The following DLG2 variants were observed in gnomAD, a reference collection of about 807,000 sequenced individuals.
DLG2 encodes disks large homolog 2.
Under a neutral mutation model 132.5 loss-of-function variants are expected in DLG2, and 45 were observed. That is an observed-to-expected ratio of 0.34 (90% confidence interval 0.27 to 0.44). DLG2 has a LOEUF of 0.44. Ranked by LOEUF, DLG2 falls within the 20% of genes least tolerant of loss-of-function variation. The pLI, the probability that DLG2 is intolerant of heterozygous loss-of-function variation, is 1.00. For missense variants in DLG2, 1,045 were observed against 1,196.9 expected (o/e 0.87, Z 1.87); for synonymous variants, 424 against 419.6 (o/e 1.01, Z -0.13).
chr11:83,961,022 G>A (rs369080796), intron 14 of DLG2, among the ~76,000 whole-genome samples: 4 of 152,028 alleles, frequency 2.6e-5, no homozygotes, highest in Non-Finnish European at 2.9e-5. Flanking sequence ...CATATCTCAC[G>A]TGTACCGTAA....
intron 4 of DLG2, among the ~76,000 whole-genome samples, chr11:85,270,596 G>C (rs2077469196): frequency 6.6e-6 from 1 of 152,194 alleles, no homozygotes; most frequent in African/African-American, 2.4e-5. Context: ...ATGTGGGAAA[G>C]TTTGGAACTC....
chr11:85,357,436 C>G (rs1338280790), intron 3 of DLG2, among the ~76,000 whole-genome samples: 51 of 150,114 alleles, frequency 3.4e-4, no homozygotes, highest in Admixed American at 3.4e-3. Context: ...TCGTGATCCA[C>G]CCACCTCAGC....
chr11:83,999,002 T>C (rs2094194097), intron 11 of DLG2, among the ~76,000 whole-genome samples: 1 of 152,196 alleles, frequency 6.6e-6, no homozygotes, highest in Admixed American at 6.5e-5. Context: ...GCATGAGTGC[T>C]GCCAGGGATG....
intron 18 of DLG2, among the ~76,000 whole-genome samples, chr11:83,690,569 G>A (rs777549021): frequency 1.3e-5 from 2 of 151,260 alleles, no homozygotes; most frequent in Admixed American, 6.6e-5. Flanking sequence ...CACTTATAAG[G>A]GGCAGACACT....
chr11:84,959,634 G>A (rs1332533263), intron 6 of DLG2, among the ~76,000 whole-genome samples: 2 of 152,200 alleles, frequency 1.3e-5, no homozygotes, highest in African/African-American at 4.8e-5. Flanking sequence ...AATATCTGTA[G>A]TAAGGTGGTG....
chr11:84,507,990 T>G (rs997213259), intron 7 of DLG2, among the ~76,000 whole-genome samples: 13 of 152,204 alleles, frequency 8.5e-5, no homozygotes, highest in African/African-American at 3.1e-4. Flanking sequence ...TGACAATATT[T>G]GATTTCTTTG....
At chr11:83,883,348 AT>A (rs932017909) in intron 15 of DLG2, among the ~76,000 whole-genome samples, 2 of 151,810 alleles carry the variant, frequency 1.3e-5, no homozygotes, top group African/African-American at 4.8e-5. Flanking sequence ...CCTGGGACCC[AT>A]TTTTTTTCTG....
intron 15 of DLG2, among the ~76,000 whole-genome samples, chr11:83,914,668 A>C (rs759269921): frequency 6.6e-6 from 1 of 152,178 alleles, no homozygotes; most frequent in Non-Finnish European, 1.5e-5. Flanking sequence ...CTACACGGCT[A>C]GTGAGTAGAG....
At chr11:84,763,009 T>C (rs948082696) in intron 6 of DLG2, among the ~76,000 whole-genome samples, 4 of 152,174 alleles carry the variant, frequency 2.6e-5, no homozygotes, top group East Asian at 1.9e-4. Context: ...AAGGCCCTCA[T>C]AGACATGCCA....
intron 3 of DLG2, among the ~76,000 whole-genome samples, chr11:85,303,825 C>T (rs79083065): frequency 0.015 from 2,338 of 152,248 alleles, 35 homozygotes; most frequent in Admixed American, 0.035. Context: ...AGAGGAAATC[C>T]AAGACCCTGT....
chr11:85,438,486 ACTTTT>A lies in DLG2; in HGVS notation c.41-153126_41-153122del, dbSNP rs577509613. Among the ~76,000 whole-genome samples the A allele has an allele frequency of 3.3e-5, 5 of 152,300 alleles. No homozygotes were observed. The South Asian group carries it at 1.0e-3, about 32-fold the overall frequency. On this transcript the variant is annotated intron_variant, in intron 3 of 27. Coordinates refer to ENST00000376104, the MANE Select transcript of DLG2 (RefSeq NM_001142699.3). ...AATTGTAAATATGTATATATCCATT[ACTTTT>A]AATAGCAAAAACCGCAATTACTTTT...
intron 6 of DLG2, among the ~76,000 whole-genome samples, chr11:84,870,993 T>C (rs992351780): frequency 3.9e-5 from 6 of 152,258 alleles, no homozygotes; most frequent in African/African-American, 1.4e-4. Context: ...TTTTACAAAA[T>C]GCACTGGCAT....
At chr11:85,478,948 AC>A (rs1282222049) in intron 3 of DLG2, among the ~76,000 whole-genome samples, 2 of 152,216 alleles carry the variant, frequency 1.3e-5, no homozygotes, top group African/African-American at 4.8e-5. Context: ...TAAAAATGTT[AC>A]CCTTATGGTC....
chr11:83,709,231 C>CTGTGTGTG lies in DLG2; in HGVS notation c.1826-75914_1826-75907dup, dbSNP rs112665187. On this transcript the variant is annotated intron_variant, in intron 18 of 27. Coordinates refer to ENST00000376104, the MANE Select transcript of DLG2 (RefSeq NM_001142699.3). ...AGCATGCCTAGGACAAAATTTTACA[C>CTGTGTGTG]TGTGTGTGTGTGTGTGTGTATATGT... Among the ~76,000 whole-genome samples the CTGTGTGTG allele has an allele frequency of 3.5e-3, 522 of 147,260 alleles. 4 individuals are homozygous for CTGTGTGTG. Among genetic ancestry groups the CTGTGTGTG allele is most frequent in the African/African-American group, 0.011 (452 of 40,100 alleles).
At chr11:83,647,206 T>C (rs139743044) in intron 18 of DLG2, 5 of 151,726 alleles carry the variant, frequency 3.3e-5, no homozygotes, top group Non-Finnish European at 7.4e-5. Context: ...TTAATATCAT[T>C]TCTTTCAGGT....
chr11:85,060,885 T>C (rs540237117), intron 6 of DLG2, among the ~76,000 whole-genome samples: 230 of 151,476 alleles, frequency 1.5e-3, no homozygotes, highest in Non-Finnish European at 2.7e-3. Context: ...TTTTTGTTTG[T>C]TTTGTTTTTG....
intron 7 of DLG2, among the ~76,000 whole-genome samples, chr11:84,358,951 T>C (rs756363444): frequency 7.9e-5 from 12 of 151,880 alleles, no homozygotes; most frequent in Non-Finnish European, 1.2e-4. Flanking sequence ...ATCATTTCTC[T>C]TACATTGTTC....
At chr11:83,846,238 G>C (rs1178999011) in intron 16 of DLG2, among the ~76,000 whole-genome samples, 1 of 152,212 alleles carries the variant, frequency 6.6e-6, no homozygotes, top group African/African-American at 2.4e-5. Context: ...TGTATTTGGA[G>C]AATAGTGAGT....
intron 6 of DLG2, among the ~76,000 whole-genome samples, chr11:84,736,364 CT>C (rs909248889): frequency 6.6e-6 from 1 of 151,558 alleles, no homozygotes; most frequent in African/African-American, 2.4e-5. Flanking sequence ...CTCCTAGGTA[CT>C]TTAAATTTTC....
Sources: gnomAD v4.1 joint callset for allele counts (sites outside exome capture counted in the v4.1 genomes callset) on GRCh38, gnomAD v4.1.1 for gene constraint, MANE v1.5 for transcripts, NCBI Gene and HGNC (gene_info 2026-07-23, HGNC 2026-07-21) for gene names.